ENOX1: variants seen among roughly 807,000 people sequenced by gnomAD.
ENOX1 encodes the protein ecto-NOX disulfide-thiol exchanger 1.
ENOX1 carries 42 observed loss-of-function variants against 82.5 expected under a neutral mutation model. The ratio of observed to expected loss-of-function variants is 0.51; its 90% CI spans 0.40 to 0.66. The LOEUF (loss-of-function observed/expected upper bound fraction) is 0.66, where lower values mean the gene tolerates loss of function less well. ENOX1 is among the 30% of genes least tolerant of loss of function. ENOX1 has a pLI of 0.00. For missense variants in ENOX1, 608 were observed against 811.6 expected (o/e 0.75, Z 3.05); for synonymous variants, 271 against 282.2 (o/e 0.96, Z 0.40).
At chr13:43,636,819 G>A (rs2083432063) in intron 2 of ENOX1, among the ~76,000 whole-genome samples, 1 of 152,074 alleles carries the variant, frequency 6.6e-6, no homozygotes, top group African/African-American at 2.4e-5. Flanking sequence ...CAAAGAAGGT[G>A]CAGCTTTGAG....
intron 9 of ENOX1, among the ~76,000 whole-genome samples, chr13:43,327,866 G>A (rs1339639861): frequency 6.6e-6 from 1 of 152,210 alleles, no homozygotes; most frequent in Non-Finnish European, 1.5e-5. Context: ...TTTCTATGCT[G>A]ATGAACAACT....
At chr13:43,376,931 A>T (rs1184737179) in intron 5 of ENOX1, among the ~76,000 whole-genome samples, 3 of 152,160 alleles carry the variant, frequency 2.0e-5, no homozygotes, top group Admixed American at 2.0e-4. Context: ...CCTGCCTTGC[A>T]CTGGCCTCAC....
intron 2 of ENOX1, among the ~76,000 whole-genome samples, chr13:43,527,984 T>C (rs2153686391): frequency 6.6e-6 from 1 of 152,296 alleles, no homozygotes; most frequent in African/African-American, 2.4e-5. Flanking sequence ...ATTTTCATTC[T>C]GTCATAATTT....
chr13:43,312,344 C>T (rs989100281), intron 11 of ENOX1, among the ~76,000 whole-genome samples: 1 of 152,170 alleles, frequency 6.6e-6, no homozygotes, highest in East Asian at 1.9e-4. Context: ...CAGGGAGAGG[C>T]ACTTCAATAA....
chr13:43,556,124 G>C (rs997236487), intron 2 of ENOX1, among the ~76,000 whole-genome samples: 2 of 152,106 alleles, frequency 1.3e-5, no homozygotes, highest in African/African-American at 4.8e-5. Flanking sequence ...CTGTAACATG[G>C]GACGTAAATA....
rs143355350 is a variant in ENOX1, at chr13:43,611,430, G to A, written c.-219+56049C>T. On this transcript the variant is annotated intron_variant, in intron 2 of 16. Transcript: ENST00000690772. ...CCTGTCTGGATGTCAGAATGCATCC[G>A]TCATTTTGGATTTATGTATAATGAC... 8.0e-4 allele frequency among the ~76,000 whole-genome samples: 122 copies of A among 152,258 alleles called. 1 individual carries two copies. The highest frequency in any genetic ancestry group is 2.8e-3 in the African/African-American group (117 of 41,548).
chr13:43,396,164 G>A (rs1167065399), intron 5 of ENOX1, among the ~76,000 whole-genome samples: 2 of 152,134 alleles, frequency 1.3e-5, no homozygotes, highest in Non-Finnish European at 2.9e-5. Context: ...CTCAGCAGAT[G>A]CCACTGCTAC....
intron 1 of ENOX1, among the ~76,000 whole-genome samples, chr13:43,744,668 C>A (rs571083249): frequency 6.6e-6 from 1 of 152,336 alleles, no homozygotes; most frequent in Admixed American, 6.5e-5. Context: ...AATATTTCCT[C>A]AGTGTACATC....
At chr13:43,512,999 A>G (rs2077427665) in intron 2 of ENOX1, among the ~76,000 whole-genome samples, 1 of 152,120 alleles carries the variant, frequency 6.6e-6, no homozygotes, top group Admixed American at 6.6e-5. Context: ...GAAGGGTCAC[A>G]GTTAAAGGAA....
At chr13:43,395,814 G>A (rs879455775) in intron 5 of ENOX1, among the ~76,000 whole-genome samples, 20 of 152,200 alleles carry the variant, frequency 1.3e-4, no homozygotes, top group Non-Finnish European at 2.4e-4. Context: ...CCCATGCCAC[G>A]TAGGCTGCGA....
At position 43,464,043 on chromosome 13, in the gene ENOX1, G is replaced by A. The variant is rs369927652; in HGVS notation, c.-75+19966C>T. ...CACACACACAGGCAACTAGAACCAT[G>A]TGCTATTGTAGAAACATTTCAGAAA... On this transcript the variant is annotated intron_variant, in intron 3 of 16. Coordinates refer to ENST00000690772, the MANE Select transcript of ENOX1 (RefSeq NM_001347969.2). Among the ~76,000 whole-genome samples the A allele has an allele frequency of 4.5e-4, 68 of 152,288 alleles. 3 individuals carry two copies. In the South Asian group the frequency reaches 0.013, roughly 29 times the overall value.
intron 5 of ENOX1, among the ~76,000 whole-genome samples, chr13:43,390,452 A>T (rs978231434): frequency 2.6e-5 from 4 of 152,178 alleles, no homozygotes; most frequent in Non-Finnish European, 1.5e-5. Flanking sequence ...AGACTGTGTC[A>T]GCCAATAATG....
chr13:43,320,011 C>T (rs2047715718), intron 11 of ENOX1, among the ~76,000 whole-genome samples: 1 of 152,168 alleles, frequency 6.6e-6, no homozygotes, highest in Non-Finnish European at 1.5e-5. Flanking sequence ...CTCCATCCTC[C>T]TGCTTCAAGC....
At chr13:43,221,224 C>A (rs138626152) in intron 16 of ENOX1, among the ~76,000 whole-genome samples, 1 of 152,150 alleles carries the variant, frequency 6.6e-6, no homozygotes, top group Non-Finnish European at 1.5e-5. Flanking sequence ...CAACCAGACA[C>A]GCTTGGAAAA....
At chr13:43,480,257 A>T (rs2058458714) in intron 3 of ENOX1, among the ~76,000 whole-genome samples, 1 of 152,138 alleles carries the variant, frequency 6.6e-6, no homozygotes, top group African/African-American at 2.4e-5. Flanking sequence ...AACATTCTAA[A>T]CATGCATGGG....
intron 1 of ENOX1, among the ~76,000 whole-genome samples, chr13:43,768,611 A>G (rs903387635): frequency 1.4e-4 from 22 of 152,372 alleles, no homozygotes; most frequent in African/African-American, 5.0e-4. Flanking sequence ...ACAAAGCAAG[A>G]TACTGTCTCT....
chr13:43,581,887 A>T (rs183582442), intron 2 of ENOX1, among the ~76,000 whole-genome samples: 64 of 152,314 alleles, frequency 4.2e-4, no homozygotes, highest in African/African-American at 1.2e-3. Flanking sequence ...AAGTAGATTT[A>T]AAAAAAGGAA....
intron 2 of ENOX1, among the ~76,000 whole-genome samples, chr13:43,526,066 C>T (rs755759893): frequency 6.6e-6 from 1 of 152,104 alleles, no homozygotes; most frequent in Non-Finnish European, 1.5e-5. Flanking sequence ...CAATGCTTAA[C>T]AAACAATGCT....
intron 2 of ENOX1, among the ~76,000 whole-genome samples, chr13:43,555,168 A>T (rs1223140930): frequency 6.6e-6 from 1 of 152,238 alleles, no homozygotes; most frequent in Non-Finnish European, 1.5e-5. Flanking sequence ...AGCTTTCATG[A>T]GTAAAAAGAT....
Sources: gnomAD v4.1 joint callset for allele counts (sites outside exome capture counted in the v4.1 genomes callset) on GRCh38, gnomAD v4.1.1 for gene constraint, MANE v1.5 for transcripts, NCBI Gene and HGNC (gene_info 2026-07-23, HGNC 2026-07-21) for gene names.